SLC2A13: variants seen among roughly 807,000 people sequenced by gnomAD.
The protein encoded by SLC2A13 is solute carrier family 2 member 13.
Under a neutral mutation model 64.4 loss-of-function variants are expected in SLC2A13, and 32 were observed. That is an observed-to-expected ratio of 0.50 (90% CI 0.37 to 0.67). SLC2A13 has a LOEUF of 0.67. Among genes scored for constraint, SLC2A13 ranks in the 30% least tolerant of loss-of-function variants. SLC2A13 has a pLI of 0.00. For synonymous variants in SLC2A13, 338 were observed against 327.1 expected, an observed-to-expected ratio of 1.03 and a Z score of -0.36; for missense variants, 743 against 829.2, an observed-to-expected ratio of 0.90 and a Z score of 1.28.
At chr12:39,922,141 T>C (rs1029919219) in intron 4 of SLC2A13, among the ~76,000 whole-genome samples, 1 of 152,174 alleles carries the variant, frequency 6.6e-6, no homozygotes, top group Admixed American at 6.5e-5. Flanking sequence ...AAAAAACCAT[T>C]ATTCTCTGTA....
chr12:39,776,925 C>T (rs1040172414), intron 7 of SLC2A13, among the ~76,000 whole-genome samples: 13 of 152,064 alleles, frequency 8.5e-5, no homozygotes, highest in Admixed American at 3.3e-4. Context: ...AACACAACTC[C>T]ATTCCTATGG....
intron 3 of SLC2A13, among the ~76,000 whole-genome samples, chr12:40,008,804 G>A (rs1438788619): frequency 6.6e-6 from 1 of 152,130 alleles, no homozygotes; most frequent in East Asian, 1.9e-4. Flanking sequence ...ATAAATGGTT[G>A]TGCACAATTC....
intron 1 of SLC2A13, among the ~76,000 whole-genome samples, chr12:40,075,868 ATC>A (rs1176713073): frequency 3.3e-5 from 5 of 151,714 alleles, no homozygotes; most frequent in Admixed American, 3.3e-4. Context: ...CACTTTTTTC[ATC>A]TCTCTCTGCC....
intron 1 of SLC2A13, among the ~76,000 whole-genome samples, chr12:40,050,703 G>C (rs1948240673): frequency 6.6e-6 from 1 of 152,156 alleles, no homozygotes; most frequent in Non-Finnish European, 1.5e-5. Flanking sequence ...ATTTAAAGCA[G>C]ACAGCAAGAT....
intron 3 of SLC2A13, among the ~76,000 whole-genome samples, chr12:39,959,918 C>T (rs1434331876): frequency 6.6e-6 from 1 of 152,160 alleles, no homozygotes; most frequent in African/African-American, 2.4e-5. Context: ...ACCAACCAAC[C>T]CATCACCTAG....
chr12:40,042,441 T>G (rs908921171), intron 2 of SLC2A13, among the ~76,000 whole-genome samples: 1 of 152,172 alleles, frequency 6.6e-6, no homozygotes, highest in African/African-American at 2.4e-5. Context: ...GGGAGGTATA[T>G]TCTCTTGAAG....
At chr12:40,078,120 C>T (rs986267770) in intron 1 of SLC2A13, among the ~76,000 whole-genome samples, 1 of 152,130 alleles carries the variant, frequency 6.6e-6, no homozygotes, top group Admixed American at 6.6e-5. Context: ...GACTTCCTCT[C>T]TTCCTATTTG....
At position 39,865,900 on chromosome 12, in the gene SLC2A13, GA is replaced by G. The variant is rs142342522; in HGVS notation, c.1199-1019del. ...TGGGGGTAGAGGGTGGGAGAAAGGA[GA>G]AGATGAAAAAACTACTTATTGAGTA... On this transcript the variant is annotated intron_variant, in intron 5 of 9. Transcript: ENST00000280871. Among the ~76,000 whole-genome samples the G allele has an allele frequency of 7.4e-3, 1,131 of 152,314 alleles. 9 individuals carry two copies. Among genetic ancestry groups the G allele is most frequent in the African/African-American group, 0.026 (1,072 of 41,562 alleles).
chr12:40,022,417 A>G (rs1280402919), intron 3 of SLC2A13, among the ~76,000 whole-genome samples: 1 of 152,204 alleles, frequency 6.6e-6, no homozygotes, highest in Non-Finnish European at 1.5e-5. Context: ...TACTTCTCCT[A>G]TATGATTAAA....
At chr12:40,000,050 C>T (rs28370643) in intron 3 of SLC2A13, among the ~76,000 whole-genome samples, 2,587 of 152,174 alleles carry the variant, frequency 0.017, 26 homozygotes, top group Middle Eastern at 0.031. Context: ...CTGTTTCTCC[C>T]GATAAATAAG....
intron 3 of SLC2A13, among the ~76,000 whole-genome samples, chr12:40,001,417 A>T (rs1947320281): frequency 6.6e-6 from 1 of 152,248 alleles, no homozygotes; most frequent in East Asian, 1.9e-4. Flanking sequence ...ACATGCTGTT[A>T]TCTTTTCTAA....
At chr12:39,941,858 T>C (rs1946033293) in intron 4 of SLC2A13, among the ~76,000 whole-genome samples, 1 of 152,244 alleles carries the variant, frequency 6.6e-6, no homozygotes, top group Non-Finnish European at 1.5e-5. Flanking sequence ...TGGGTTTAAG[T>C]CCTTAATCCA....
At chr12:39,793,617 A>G (rs1941478612) in intron 7 of SLC2A13, among the ~76,000 whole-genome samples, 1 of 152,150 alleles carries the variant, frequency 6.6e-6, no homozygotes, top group African/African-American at 2.4e-5. Context: ...TCTCTTCTGC[A>G]TGGACAACCT....
intron 3 of SLC2A13, among the ~76,000 whole-genome samples, chr12:39,997,946 A>G (rs1408393676): frequency 6.6e-6 from 1 of 152,226 alleles, no homozygotes; most frequent in Non-Finnish European, 1.5e-5. Context: ...TACAACCACT[A>G]TGGAAAGCCG....
chr12:39,985,176 G>A (rs193198582), intron 3 of SLC2A13, among the ~76,000 whole-genome samples: 8 of 152,122 alleles, frequency 5.3e-5, no homozygotes, highest in East Asian at 1.9e-4. Flanking sequence ...ACACTGTCTC[G>A]AGGAAATCAT....
At chr12:40,081,362 T>C (rs1938395600) in intron 1 of SLC2A13, among the ~76,000 whole-genome samples, 1 of 152,248 alleles carries the variant, frequency 6.6e-6, no homozygotes, top group Non-Finnish European at 1.5e-5. Context: ...TCTCTTCACA[T>C]AATCCCTTAT....
At chr12:39,928,486 C>T (rs544724279) in intron 4 of SLC2A13, among the ~76,000 whole-genome samples, 1 of 152,268 alleles carries the variant, frequency 6.6e-6, no homozygotes, top group South Asian at 2.1e-4. Context: ...TGCTCTACTG[C>T]ACAGAGTTAA....
intron 5 of SLC2A13, among the ~76,000 whole-genome samples, chr12:39,870,348 G>A (rs1944013603): frequency 6.6e-6 from 1 of 152,098 alleles, no homozygotes; most frequent in African/African-American, 2.4e-5. Flanking sequence ...AGCCCACTGT[G>A]GAAATTTATT....
chr12:40,097,158 C>T (rs1938974022), intron 1 of SLC2A13, among the ~76,000 whole-genome samples: 1 of 152,132 alleles, frequency 6.6e-6, no homozygotes, highest in Non-Finnish European at 1.5e-5. Flanking sequence ...TTAGAGCCTA[C>T]TTTTTATAAT....
Sources: allele counts gnomAD v4.1 joint callset (sites outside exome capture counted in the v4.1 genomes callset), GRCh38; gene constraint gnomAD v4.1.1; transcripts MANE v1.5; gene names NCBI Gene and HGNC (gene_info 2026-07-23, HGNC 2026-07-21).